TBC1D22A: variants seen among roughly 807,000 people sequenced by gnomAD.
TBC1D22A encodes TBC1 domain family member 22A.
A neutral mutation model predicts 60.2 loss-of-function variants in TBC1D22A; 38 were observed. That is an observed-to-expected ratio of 0.63 (90% CI 0.49 to 0.83). TBC1D22A has a LOEUF of 0.83. TBC1D22A is among the 40% of genes least tolerant of loss of function. The pLI is 0.00. For synonymous variants in TBC1D22A, 302 were observed against 281.7 expected (o/e 1.07, Z -0.72); for missense variants, 628 against 701.0 (o/e 0.90, Z 1.18).
chr22:46,841,228 C>T (rs567724049), intron 4 of TBC1D22A, among the ~76,000 whole-genome samples: 66 of 152,278 alleles, frequency 4.3e-4, no homozygotes, highest in African/African-American at 1.5e-3. Context: ...GTGGAGCCCT[C>T]ATGGATGAGG....
At chr22:46,993,190 T>G (rs181236504) in intron 9 of TBC1D22A, among the ~76,000 whole-genome samples, 1 of 152,338 alleles carries the variant, frequency 6.6e-6, no homozygotes, top group African/African-American at 2.4e-5. Flanking sequence ...TAAGAAAATT[T>G]TATTCTACTT....
intron 11 of TBC1D22A, among the ~76,000 whole-genome samples, chr22:47,076,353 ATG>A (rs1288517301): frequency 0.026 from 2,780 of 107,676 alleles, 104 homozygotes; most frequent in African/African-American, 0.087. Context: ...ATATATATAT[ATG>A]TGTGTGTATA....
chr22:46,949,998 GT>G, intron 8 of TBC1D22A, among the ~76,000 whole-genome samples: 1 of 152,334 alleles, frequency 6.6e-6, no homozygotes, highest in Non-Finnish European at 1.5e-5. Context: ...AGGGACATTG[GT>G]TAACGTGGGT....
At chr22:47,112,290 C>T (rs1172686152) in intron 12 of TBC1D22A, among the ~76,000 whole-genome samples, 4 of 152,224 alleles carry the variant, frequency 2.6e-5, no homozygotes, top group Non-Finnish European at 4.4e-5. Context: ...GGAAGTCCTT[C>T]TGCCCAGTGT....
intron 4 of TBC1D22A, among the ~76,000 whole-genome samples, chr22:46,826,030 C>A (rs956984785): frequency 1.3e-5 from 2 of 151,030 alleles, no homozygotes; most frequent in Non-Finnish European, 1.5e-5. Context: ...CTGCAGGTGC[C>A]CACCACCACG....
intron 8 of TBC1D22A, among the ~76,000 whole-genome samples, chr22:46,929,123 A>G (rs181039211): frequency 1.3e-5 from 2 of 152,364 alleles, no homozygotes; most frequent in African/African-American, 4.8e-5. Context: ...AAACAGGTTG[A>G]AAAAGAAAGT....
chr22:46,800,505 G>C (rs1741279939), intron 4 of TBC1D22A, among the ~76,000 whole-genome samples: 1 of 152,180 alleles, frequency 6.6e-6, no homozygotes, highest in South Asian at 2.1e-4. Flanking sequence ...CGTTGCACCT[G>C]GGAGAGTGGG....
chr22:46,918,078 C>A (rs2070500215), intron 8 of TBC1D22A, among the ~76,000 whole-genome samples: 1 of 152,200 alleles, frequency 6.6e-6, no homozygotes, highest in South Asian at 2.1e-4. Flanking sequence ...TGGCACCAGT[C>A]CCTTGGTTGG....
In TBC1D22A at chr22:46,911,356, T is replaced by C. The variant is rs192125853; in HGVS notation, c.901-718T>C. 1.6e-3 allele frequency among the ~76,000 whole-genome samples: 243 copies of C among 152,242 alleles called. 1 individual carries two copies. The highest frequency in any genetic ancestry group is 5.7e-3 in the African/African-American group (236 of 41,538). On this transcript the variant is annotated intron_variant, in intron 7 of 12. Coordinates refer to ENST00000337137, the MANE Select transcript of TBC1D22A (RefSeq NM_014346.5). ...ATACCTTTTCAGAGGTTTAAAGAAA[T>C]CTGTTTACTTTATGAGGGAAATTTA...
At chr22:46,771,837 C>T (rs1003902577) in intron 1 of TBC1D22A, among the ~76,000 whole-genome samples, 2 of 152,018 alleles carry the variant, frequency 1.3e-5, no homozygotes, top group African/African-American at 2.4e-5. Context: ...TCAAGTGATC[C>T]ACCCGCCTCG....
chr22:46,822,292 CTG>C (rs1569089387), intron 4 of TBC1D22A, among the ~76,000 whole-genome samples: 1 of 152,052 alleles, frequency 6.6e-6, no homozygotes, highest in Non-Finnish European at 1.5e-5. Context: ...TGGAGAGACA[CTG>C]TGATCATTTG....
chr22:47,112,468 C>T (rs896173737), intron 12 of TBC1D22A, among the ~76,000 whole-genome samples: 18 of 152,192 alleles, frequency 1.2e-4, no homozygotes, highest in East Asian at 1.9e-4. Context: ...CAGTGCTCTG[C>T]GCAGCTGGCA....
At chr22:47,024,128 C>T (rs114217515) in intron 10 of TBC1D22A, among the ~76,000 whole-genome samples, 2,111 of 152,216 alleles carry the variant, frequency 0.014, 47 homozygotes, top group African/African-American at 0.046. Flanking sequence ...CCTGTGAAGC[C>T]GGGTAATCGT....
chr22:47,022,060 A>C (rs1282653663), intron 10 of TBC1D22A, among the ~76,000 whole-genome samples: 1 of 152,240 alleles, frequency 6.6e-6, no homozygotes, highest in African/African-American at 2.4e-5. Flanking sequence ...GGATTAATAA[A>C]AAATCACAGC....
At chr22:46,948,300 C>T (rs2072677833) in intron 8 of TBC1D22A, among the ~76,000 whole-genome samples, 1 of 152,176 alleles carries the variant, frequency 6.6e-6, no homozygotes, top group South Asian at 2.1e-4. Context: ...TGTTCTACGC[C>T]AGAGCAAGAC....
At chr22:47,099,375 G>A (rs2065317261) in intron 11 of TBC1D22A, among the ~76,000 whole-genome samples, 1 of 152,172 alleles carries the variant, frequency 6.6e-6, no homozygotes, top group African/African-American at 2.4e-5. Context: ...GAATGGTTTG[G>A]CCTACCGGAA....
At chr22:47,149,407 C>T (rs958760107) in intron 12 of TBC1D22A, among the ~76,000 whole-genome samples, 3 of 152,264 alleles carry the variant, frequency 2.0e-5, no homozygotes, top group Non-Finnish European at 4.4e-5. Flanking sequence ...GTATTTATCC[C>T]TGCACTTGGC....
chr22:46,762,873 T>G, intron 1 of TBC1D22A, 25 bp downstream of exon 1: 1 of 1,470,810 alleles, frequency 6.8e-7, no homozygotes, highest in Non-Finnish European at 9.0e-7. Context: ...GAGGGCCAGG[T>G]CGGGGTCAGG....
intron 7 of TBC1D22A, among the ~76,000 whole-genome samples, chr22:46,899,173 G>A (rs12169828): frequency 0.11 from 17,268 of 152,162 alleles, 1,625 homozygotes; most frequent in African/African-American, 0.26. Context: ...TTGGCCGGGC[G>A]TGGTGGCTCA....
Sources: gnomAD v4.1 joint callset for allele counts (sites outside exome capture counted in the v4.1 genomes callset) on GRCh38, gnomAD v4.1.1 for gene constraint, MANE v1.5 for transcripts, NCBI Gene and HGNC (gene_info 2026-07-23, HGNC 2026-07-21) for gene names.